The following MPDU1 variants were observed in gnomAD, a reference collection of about 807,000 sequenced individuals.
MPDU1 encodes the protein mannose-P-dolichol utilization defect 1 protein.
In MPDU1, 18 loss-of-function variants were observed where a neutral mutation model predicts 27.6. That is an observed-to-expected ratio of 0.65 (90% CI 0.45 to 0.97). The LOEUF is 0.97. Among genes scored for constraint, MPDU1 ranks in the 50% least tolerant of loss-of-function variants. The pLI is 0.00. For synonymous variants in MPDU1, 142 were observed against 131.1 expected (o/e 1.08, Z -0.57); for missense variants, 279 against 297.4 (o/e 0.94, Z 0.46).
Position 7,587,483 on chromosome 17 carries a change from C to G in MPDU1, c.676C>G (p.Leu226Val). 6.2e-7 allele frequency: 1 copy of G among 1,613,796 alleles called. No individual in the cohort carries two copies. The highest frequency in any genetic ancestry group is 8.5e-7 in the Non-Finnish European group (1 of 1,179,974). ...TFVVSSLCNG[L>V]IAAQLLFYWN... ...TGTGGTCTCCTCTCTCTGCAACGGC[C>G]TCATCGCCGCCCAGCTGCTCTTCTA... Residue 226 changes from leucine (L) to valine (V), a missense_variant, in exon 7 of 7, where the codon CTC (leucine) becomes GTC (valine). By Grantham distance (32) the Leu-to-Val change is conservative. Coordinates refer to ENST00000250124, the MANE Select transcript of MPDU1 (RefSeq NM_004870.4).
At chr17:7,584,875 C>A (rs2071555125) in intron 1 of MPDU1, among the ~76,000 whole-genome samples, 1 of 152,178 alleles carries the variant, frequency 6.6e-6, no homozygotes, top group Admixed American at 6.5e-5. Context: ...CGCCTGTAAT[C>A]CCAGCTACTC....
chr17:7,586,568 G>T lies in MPDU1; in HGVS notation c.303-124G>T, dbSNP rs918332088. 9.3e-6 allele frequency: 8 copies of T among 856,642 alleles called. No individual in the cohort carries two copies. The African/African-American group carries it at 1.0e-4, about 11-fold the overall frequency. 53.1% of individuals were successfully genotyped at this position (856,642 alleles called of 1,614,324 possible). A position where few individuals can be genotyped will look rare whatever the true frequency, so the allele number is the denominator to read the frequency against. On this transcript the variant is annotated intron_variant, in intron 3 of 6. Transcript: ENST00000250124. ...AATGGCCACGATTCAGAATGAGCCA[G>T]TCCCGTGTGGGGGCTGTAGAGAAGC...
rs781336281 is a variant in MPDU1, at chr17:7,587,659, C to G, written c.*108C>G. ...CTTACTCATCCTCCATTCCTCTGCA[C>G]TTGCAGACTTTCTGAGCCAGGGTTT... On this transcript the variant is annotated 3_prime_UTR_variant, in exon 7 of 7. Transcript: ENST00000250124. 184 of 1,466,656 alleles carry G rather than the reference C, an allele frequency of 1.3e-4. 1 individual carries two copies. Among genetic ancestry groups the G allele is most frequent in the Non-Finnish European group, 1.4e-5 (15 of 1,052,256 alleles). 90.9% of individuals were successfully genotyped at this position (1,466,656 alleles called of 1,614,324 possible). A position where few individuals can be genotyped will look rare whatever the true frequency, so the allele number is the denominator to read the frequency against.
At position 7,586,974 on chromosome 17, in the gene MPDU1, C is replaced by T. The variant is rs2071594181; in HGVS notation, c.464C>T (p.Thr155Ile). Residue 155 changes from threonine (T) to isoleucine (I), a missense_variant, in exon 5 of 7, where the codon ACC becomes ATC. Transcript: ENST00000250124. ...CCTCTGACGCCCTTGACTGTAGTCA[C>T]CCTGCTCCAGGCCTCCAATGTGCCT... is the stretch of plus-strand genomic sequence containing the variant. The part of the protein sequence containing the change: ...LSPLTPLTVV[T>I]LLQASNVPAV... The T allele has an allele frequency of 6.2e-7, 1 of 1,613,664 alleles. No individual in the cohort carries two copies. The highest frequency in any genetic ancestry group is 1.1e-5 in the South Asian group (1 of 91,024).
rs139997561 is a variant in MPDU1, at chr17:7,584,430, C to A, written c.103+465C>A. Among the ~76,000 whole-genome samples the A allele has an allele frequency of 2.2e-3, 332 of 152,252 alleles. 1 individual carries two copies. Among genetic ancestry groups the A allele is most frequent in the African/African-American group, 7.7e-3 (320 of 41,544 alleles). ...TTGCCTCCCTTCCTTTTTCTGATTG[C>A]GAGACAGCTCCACAAGGGTCACCGT... On this transcript the variant is annotated intron_variant, in intron 1 of 6. Transcript: ENST00000250124.
At chr17:7,586,438 T>G (rs1395068564) in intron 3 of MPDU1, 2 of 548,386 alleles carry the variant, frequency 3.6e-6, no homozygotes, top group Admixed American at 6.1e-5. Flanking sequence ...AAACTCAGTC[T>G]TAAAAAAAAA....
chr17:7,587,246 T>C lies in MPDU1; in HGVS notation c.593T>C (p.Leu198Pro), dbSNP rs1442929051. The change falls in exon 6 of 7, where the codon CTG becomes CCG. Residue 198 changes from leucine (L) to proline (P), a missense_variant. By Grantham distance (98) the Leu-to-Pro change is moderately conservative. Coordinates refer to ENST00000250124, the MANE Select transcript of MPDU1 (RefSeq NM_004870.4). ...GTCTTCCTGCTGTTTGGGGGCTCCC[T>C]GGCCCGAATCTTCACTTCCATTCAG... is the stretch of plus-strand genomic sequence containing the variant. Reference protein sequence around the residue: ...ITVFLLFGGSLARIFTSIQET... With the variant: ...ITVFLLFGGSPARIFTSIQET... 6.2e-7 allele frequency: 1 copy of C among 1,614,074 alleles called. No individual in the cohort carries two copies. Among genetic ancestry groups the C allele is most frequent in the Non-Finnish European group, 8.5e-7 (1 of 1,180,006 alleles).
Position 7,587,515 on chromosome 17 carries a change from T to C in MPDU1, c.708T>C (p.Asn236=). The change falls in exon 7 of 7, where the codon AAT becomes AAC. Residue 236 remains asparagine (N), a synonymous_variant. Coordinates refer to ENST00000250124, the MANE Select transcript of MPDU1 (RefSeq NM_004870.4). ...LIAAQLLFYW[N]AKPPHKQKKA... ...CCGCCCAGCTGCTCTTCTACTGGAA[T>C]GCAAAGCCTCCCCACAAGCAGAAAA... is the stretch of plus-strand genomic sequence containing the variant. The C allele has an allele frequency of 6.2e-7, 1 of 1,613,652 alleles. No homozygotes were observed. Among genetic ancestry groups the C allele is most frequent in the East Asian group, 2.2e-5 (1 of 44,792 alleles).
rs1434084084 is a variant in MPDU1, at chr17:7,586,939, G to A, written c.429G>A (p.Val143=). The change falls in exon 5 of 7, where the codon GTG becomes GTA. Residue 143 remains valine, a synonymous_variant. Coordinates refer to ENST00000250124, the MANE Select transcript of MPDU1 (RefSeq NM_004870.4). ...CTTGCTACGGCCTGGTCCTGCTGGT[G>A]CTTCTCTCACCTCTGACGCCCTTGA... ...FLACYGLVLL[V]LLSPLTPLTV... 6.2e-7 allele frequency: 1 copy of A among 1,613,820 alleles called. No individual in the cohort carries two copies. The highest frequency in any genetic ancestry group is 1.3e-5 in the African/African-American group (1 of 74,896).
chr17:7,584,243 A>G (rs1036156770), intron 1 of MPDU1: 1 of 596,920 alleles, frequency 1.7e-6, no homozygotes, highest in African/African-American at 1.9e-5. Context: ...CAAAATAAAA[A>G]TTAAGTCAAA....
In MPDU1 at chr17:7,583,970, G is replaced by A. The variant is rs746864904; in HGVS notation, c.103+5G>A. 3.7e-6 allele frequency: 6 copies of A among 1,613,388 alleles called. No individual in the cohort carries two copies. Among genetic ancestry groups the A allele is most frequent in the Non-Finnish European group, 5.1e-6 (6 of 1,179,730 alleles). ...TTCAGTGGGACTTGCTTCACGGTGA[G>A]TTTTATTCAGCATCCGATCCAAGTC... On this transcript the variant is annotated splice_donor_5th_base_variant and intron_variant, in intron 1 of 6. Transcript: ENST00000250124.
chr17:7,587,447 G>T lies in MPDU1; in HGVS notation c.640G>T (p.Ala214Ser). Residue 214 changes from alanine (A) to serine (S), a missense_variant, in exon 7 of 7, where the codon GCT becomes TCT. Coordinates refer to ENST00000250124, the MANE Select transcript of MPDU1 (RefSeq NM_004870.4). ...SIQETGDPLM[A>S]GTFVVSSLCN... ...CCAGGAAACCGGAGATCCCCTGATG[G>T]CTGGGACCTTTGTGGTCTCCTCTCT... 1 of 1,613,900 alleles carries T rather than the reference G, an allele frequency of 6.2e-7. No individual in the cohort carries two copies. The highest frequency in any genetic ancestry group is 8.5e-7 in the Non-Finnish European group (1 of 1,179,988).
intron 2 of MPDU1, 73 bp downstream of exon 2, chr17:7,585,870 G>A: frequency 1.2e-6 from 2 of 1,612,110 alleles, no homozygotes; most frequent in East Asian, 2.2e-5. Context: ...CTGTGTGGGT[G>A]TTCGTTCTAT....
chr17:7,585,668 A>G, intron 1 of MPDU1, 64 bp from the exon 2 acceptor site: 1 of 1,526,608 alleles, frequency 6.6e-7, no homozygotes, highest in Non-Finnish European at 9.1e-7. Flanking sequence ...AGCCCACAGG[A>G]GCTTCAAGCC....
Position 7,587,642 on chromosome 17 carries a change from T to C in MPDU1, c.*91T>C. The C allele has an allele frequency of 6.5e-7, 1 of 1,548,186 alleles. No individual in the cohort carries two copies. The highest frequency in any genetic ancestry group is 8.9e-7 in the Non-Finnish European group (1 of 1,123,220). On this transcript the variant is annotated 3_prime_UTR_variant, in exon 7 of 7. Transcript: ENST00000250124. Reference sequence around the variant, plus strand: ...CCAGCCTGCTGGTGTGACTTACTCATCCTCCATTCCTCTGCACTTGCAGAC... The same window carrying C: ...CCAGCCTGCTGGTGTGACTTACTCACCCTCCATTCCTCTGCACTTGCAGAC...
chr17:7,583,712 A>G (rs1225624523), upstream of MPDU1: 1 of 837,704 alleles, frequency 1.2e-6, no homozygotes, highest in South Asian at 1.3e-5. Context: ...TTACGCCACT[A>G]GAGTGAGGGT....
Position 7,586,627 on chromosome 17 carries a change from C to A in MPDU1, c.303-65C>A, listed in dbSNP as rs1414958118. On this transcript the variant is annotated intron_variant, in intron 3 of 6. Transcript: ENST00000250124. Reference sequence around the variant, plus strand: ...AGCATAGTGTCCCTGGATGGATGGGCTATGGAGGCTTTCCCTGCCTCTTTC... The same window carrying A: ...AGCATAGTGTCCCTGGATGGATGGGATATGGAGGCTTTCCCTGCCTCTTTC... 3.7e-6 allele frequency: 5 copies of A among 1,357,982 alleles called. No homozygotes were observed. The African/African-American group carries it at 7.2e-5, about 19-fold the overall frequency. The allele number at this position is 1,357,982 out of a possible 1,614,324, so 84.1% of individuals were successfully genotyped here. A position where few individuals can be genotyped will look rare whatever the true frequency, so the allele number is the denominator to read the frequency against.
intron 1 of MPDU1, among the ~76,000 whole-genome samples, chr17:7,584,695 A>G (rs1274897099): frequency 1.3e-5 from 2 of 152,238 alleles, no homozygotes; most frequent in Admixed American, 1.3e-4. Context: ...AGAGTGTTCA[A>G]GAAAGAGTGG....
intron 1 of MPDU1, among the ~76,000 whole-genome samples, chr17:7,584,924 CAG>C (rs1247317610): frequency 6.6e-6 from 1 of 151,966 alleles, no homozygotes; most frequent in Non-Finnish European, 1.5e-5. Context: ...ACCCGGGAGA[CAG>C]AGGTTACAGT....
Sources: allele counts gnomAD v4.1 joint callset (sites outside exome capture counted in the v4.1 genomes callset), GRCh38; gene constraint gnomAD v4.1.1; transcripts MANE v1.5; gene names NCBI Gene and HGNC (gene_info 2026-07-23, HGNC 2026-07-21).